Variants in TMEM181 observed in about 807,000 individuals in gnomAD.
The protein encoded by TMEM181 is transmembrane protein 181, also known as G protein-coupled receptor 178.
TMEM181 carries 39 observed loss-of-function variants against 71.9 expected under a neutral mutation model. The ratio of observed to expected loss-of-function variants is 0.54; its 90% CI spans 0.42 to 0.71. The LOEUF (loss-of-function observed/expected upper bound fraction) is 0.71, where lower values mean the gene tolerates loss of function less well. Among genes scored for constraint, TMEM181 ranks in the 30% least tolerant of loss-of-function variants. The pLI, the probability that TMEM181 is intolerant of heterozygous loss-of-function variation, is 0.00. For missense variants in TMEM181, 595 were observed against 583.0 expected, an observed-to-expected ratio of 1.02 and a Z score of -0.21; for synonymous variants, 245 against 228.8, an observed-to-expected ratio of 1.07 and a Z score of -0.64.
At chr6:158,605,148 G>GTGTGTGTA in intron 6 of TMEM181, 119 bp from the exon 7 acceptor site, 1 of 577,780 alleles carries the variant, frequency 1.7e-6, no homozygotes, top group Non-Finnish European at 3.1e-6. Context: ...GTGTGTGTGT[G>GTGTGTGTA]TGTGTGTGTG....
chr6:158,607,412 T>C, intron 8 of TMEM181, 69 bp downstream of exon 8: 1 of 1,438,376 alleles, frequency 7.0e-7, no homozygotes, highest in Non-Finnish European at 9.7e-7. Flanking sequence ...AGGTGCAGGG[T>C]TGTGCCTGTC....
rs1030582338 is a variant in TMEM181 at position 158,632,912 on chromosome 6, T to G, written c.*1024T>G. Reference sequence around the variant, plus strand: ...GGGAGACCCCGTCTCTATAAAACATTTAGAAAGTTGGCTGGGCATGCTGGG... The same window carrying G: ...GGGAGACCCCGTCTCTATAAAACATGTAGAAAGTTGGCTGGGCATGCTGGG... On this transcript the variant is annotated 3_prime_UTR_variant, in exon 17 of 17. Transcript: ENST00000684151. 2 of 151,924 alleles carry G rather than the reference T, an allele frequency of 1.3e-5. No individual in the cohort carries two copies. Among genetic ancestry groups the G allele is most frequent in the Non-Finnish European group, 2.9e-5 (2 of 68,028 alleles). The allele number at this position is 151,924 out of a possible 1,614,324, so 9.4% of individuals were successfully genotyped here. A position where few individuals can be genotyped will look rare whatever the true frequency, so the allele number is the denominator to read the frequency against.
chr6:158,541,368 G>A (rs149843731), intron 1 of TMEM181, among the ~76,000 whole-genome samples: 1,920 of 152,276 alleles, frequency 0.013, 25 homozygotes, highest in Non-Finnish European at 0.02. Context: ...AGTGAGTTGA[G>A]ATCATGCCAT....
Position 158,539,956 on chromosome 6 carries a change from A to G in TMEM181, c.131+3091A>G, listed in dbSNP as rs191002715. On this transcript the variant is annotated intron_variant, in intron 1 of 16. Coordinates refer to the TMEM181 transcript ENST00000367090. ...ACACTTTATGAAGAGAGCACTAAAGATGTTTTCAGATACACATAACAGAAA... is the reference window on the plus strand; with the variant it reads ...ACACTTTATGAAGAGAGCACTAAAGGTGTTTTCAGATACACATAACAGAAA... 3.9e-5 allele frequency among the ~76,000 whole-genome samples: 6 copies of G among 152,322 alleles called. No homozygotes were observed. In the East Asian group the frequency reaches 7.7e-4, roughly 20 times the overall value.
intron 10 of TMEM181, among the ~76,000 whole-genome samples, chr6:158,614,438 T>C (rs1032474772): frequency 2.6e-5 from 4 of 152,030 alleles, no homozygotes; most frequent in African/African-American, 9.7e-5. Flanking sequence ...TTGCTATTAA[T>C]ATTAACCCTA....
At chr6:158,583,765 A>G (rs1033893841) in intron 3 of TMEM181, among the ~76,000 whole-genome samples, 189 bp from the exon 4 acceptor site, 1 of 152,176 alleles carries the variant, frequency 6.6e-6, no homozygotes, top group Non-Finnish European at 1.5e-5. Context: ...GCGCCACTGC[A>G]CTCTAGCCTA....
At chr6:158,565,177 C>A (rs762961168) in intron 1 of TMEM181, among the ~76,000 whole-genome samples, 11 of 152,232 alleles carry the variant, frequency 7.2e-5, no homozygotes, top group Non-Finnish European at 1.3e-4. Context: ...CTCTGCTTAC[C>A]CGGATTGTAT....
chr6:158,541,816 CT>C (rs1187031488), intron 1 of TMEM181, among the ~76,000 whole-genome samples: 1 of 133,542 alleles, frequency 7.5e-6, no homozygotes, highest in Non-Finnish European at 1.6e-5. Context: ...CTCAGTGTAA[CT>C]ATTGACTGAC....
In TMEM181 at chr6:158,584,029, T is replaced by C. The variant is rs1562635378; in HGVS notation, c.244T>C (p.Leu82=). The C allele has an allele frequency of 6.2e-7, 1 of 1,611,316 alleles. No individual in the cohort carries two copies. The highest frequency in any genetic ancestry group is 2.2e-5 in the East Asian group (1 of 44,810). The part of the protein sequence containing the change: ...QQLWLTCVVE[L]DQSKETSIKT... ...ACTATGGCTGACATGTGTTGTTGAGTTGGATCAATCAAAAGGTATGGAGCT... is the reference window on the plus strand; with the variant it reads ...ACTATGGCTGACATGTGTTGTTGAGCTGGATCAATCAAAAGGTATGGAGCT... Residue 82 remains leucine, a synonymous_variant, in exon 4 of 17, where the codon TTG becomes CTG. Coordinates refer to ENST00000684151, the MANE Select transcript of TMEM181 (RefSeq NM_001376852.1).
rs1236813231 is a variant in TMEM181, at chr6:158,607,319, C to G, written c.649C>G (p.Leu217Val). The G allele has an allele frequency of 6.2e-7, 1 of 1,614,192 alleles. No homozygotes were observed. The highest frequency in any genetic ancestry group is 8.5e-7 in the Non-Finnish European group (1 of 1,180,018). Residue 217 changes from leucine to valine, a missense_variant, in exon 8 of 17, where the codon CTG (leucine) becomes GTG (valine). Physicochemically the swap from Leu to Val is conservative, Grantham distance 32 (BLOSUM62 1). Transcript: ENST00000684151. ...GIEQKWMSVL[L>V]PLLLLYNDPF... ...CGAGCAGAAGTGGATGTCTGTTCTC[C>G]TGCCTCTGCTGCTACTTTACAATGG...
intron 1 of TMEM181, among the ~76,000 whole-genome samples, chr6:158,573,155 T>C (rs1782969092): frequency 6.6e-6 from 1 of 152,140 alleles, no homozygotes; most frequent in African/African-American, 2.4e-5. Context: ...AGTGTGGGGT[T>C]GGTGTGCTGC....
At chr6:158,628,891 A>G (rs1786497069) in intron 14 of TMEM181, among the ~76,000 whole-genome samples, 2 of 152,194 alleles carry the variant, frequency 1.3e-5, no homozygotes, top group East Asian at 3.8e-4. Flanking sequence ...CCAGCAGAGC[A>G]CTGTGGGGTG....
At chr6:158,543,038 G>A (rs186504511) in intron 1 of TMEM181, among the ~76,000 whole-genome samples, 2 of 151,932 alleles carry the variant, frequency 1.3e-5, no homozygotes, top group East Asian at 3.9e-4. Flanking sequence ...ACCACGCCTG[G>A]CTAATTTTTT....
At chr6:158,572,273 G>A (rs984714930) in intron 1 of TMEM181, 7 of 390,270 alleles carry the variant, frequency 1.8e-5, no homozygotes, top group South Asian at 7.6e-5. Context: ...GCTTTGGACC[G>A]TGAAGCCAGT....
chr6:158,630,268 G>T (rs1458291968), intron 15 of TMEM181, among the ~76,000 whole-genome samples: 5 of 152,138 alleles, frequency 3.3e-5, no homozygotes, highest in Non-Finnish European at 7.3e-5. Flanking sequence ...GGCCAAGGCG[G>T]GAGGATTGTT....
chr6:158,619,655 G>A (rs147549663), intron 10 of TMEM181, among the ~76,000 whole-genome samples: 165 of 152,258 alleles, frequency 1.1e-3, no homozygotes, highest in African/African-American at 3.7e-3. Context: ...CCGATCATGA[G>A]GTTAGGAGAT....
upstream of TMEM181, among the ~76,000 whole-genome samples, chr6:158,556,771 T>TA (rs1461648630): frequency 1.1e-5 from 1 of 91,532 alleles, no homozygotes; most frequent in East Asian, 4.3e-4. Flanking sequence ...TTGTTTTTGG[T>TA]ATTTTTTTTG....
intron 6 of TMEM181, among the ~76,000 whole-genome samples, chr6:158,601,127 T>G (rs899778840): frequency 2.6e-5 from 4 of 152,226 alleles, no homozygotes; most frequent in African/African-American, 9.6e-5. Context: ...GTTATAAAAT[T>G]TAAATGCTGT....
At chr6:158,590,305 A>G (rs760652884) in intron 6 of TMEM181, among the ~76,000 whole-genome samples, 1 of 151,920 alleles carries the variant, frequency 6.6e-6, no homozygotes, top group East Asian at 1.9e-4. Flanking sequence ...GTTGAGCCTC[A>G]GTTTTCTTAT....
Sources: gnomAD v4.1 joint callset for allele counts (sites outside exome capture counted in the v4.1 genomes callset) on GRCh38, gnomAD v4.1.1 for gene constraint, MANE v1.5 for transcripts, NCBI Gene and HGNC (gene_info 2026-07-23, HGNC 2026-07-21) for gene names.